F2: variants seen among roughly 807,000 people sequenced by gnomAD.
The protein encoded by F2 is prothrombin.
In F2, 34 loss-of-function variants were observed where a neutral mutation model predicts 81.9. The ratio of observed to expected loss-of-function variants is 0.42; its 90% CI spans 0.32 to 0.55. The LOEUF is 0.55. F2 is among the 20% of genes least tolerant of loss of function. The probability of loss-of-function intolerance (pLI) is 0.18; values close to 1 mark genes in which losing one functional copy is unlikely to be tolerated. For synonymous variants in F2, 296 were observed against 326.4 expected, an observed-to-expected ratio of 0.91 and a Z score of 1.01; for missense variants, 630 against 833.4, an observed-to-expected ratio of 0.76 and a Z score of 3.00.
At position 46,728,230 on chromosome 11, in the gene F2, C is replaced by T. The variant is rs1040200797; in HGVS notation, c.1298+67C>T. The T allele has an allele frequency of 3.4e-5, 51 of 1,515,020 alleles. No homozygotes were observed. The highest frequency in any genetic ancestry group is 4.5e-5 in the Non-Finnish European group (50 of 1,109,242). The allele number at this position is 1,515,020 out of a possible 1,614,324, so 93.8% of individuals were successfully genotyped here. On this transcript the variant is annotated intron_variant, in intron 10 of 13. Transcript: ENST00000311907. The surrounding 1 kb of genome is among the most constrained non-coding windows in gnomAD (Gnocchi z 5.1). The stretch of plus-strand genomic sequence containing the variant: ...GTCCTCCAAAGCGATCATGAGGGGC[C>T]CTGGTGGCTCCGGGACACATAGGAT...
rs548497448 is a variant in F2 at position 46,723,995 on chromosome 11, G to A, written c.559+477G>A. 4.6e-5 allele frequency among the ~76,000 whole-genome samples: 7 copies of A among 152,276 alleles called. No homozygotes were observed. The highest frequency in any genetic ancestry group is 1.4e-4 in the African/African-American group (6 of 41,556). ...AGTCAGGGAATCAGGGGATCTGAGTGGGGGGATCTGCCAGCCTCCTCCTCC... is the reference window on the plus strand; with the variant it reads ...AGTCAGGGAATCAGGGGATCTGAGTAGGGGGATCTGCCAGCCTCCTCCTCC... On this transcript the variant is annotated intron_variant, in intron 6 of 13. Coordinates refer to ENST00000311907, the MANE Select transcript of F2 (RefSeq NM_000506.5). The surrounding 1 kb of genome is among the most constrained non-coding windows in gnomAD (Gnocchi z 5.6).
intron 12 of F2, among the ~76,000 whole-genome samples, chr11:46,738,671 G>T (rs1427700139): frequency 6.6e-6 from 1 of 152,078 alleles, no homozygotes; most frequent in African/African-American, 2.4e-5. Flanking sequence ...TTGCCATATT[G>T]CCCAGGCTGG....
intron 3 of F2, 21 bp downstream of exon 3, chr11:46,720,568 G>A: frequency 6.2e-7 from 1 of 1,614,100 alleles, no homozygotes; most frequent in Non-Finnish European, 8.5e-7. Flanking sequence ...GGAAGGATTT[G>A]CCCCAGGAAG....
Position 46,726,727 on chromosome 11 carries a change from T to A in F2, c.1020T>A (p.Pro340=). The A allele has an allele frequency of 6.2e-7, 1 of 1,614,248 alleles. No homozygotes were observed. Among genetic ancestry groups the A allele is most frequent in the Non-Finnish European group, 8.5e-7 (1 of 1,180,046 alleles). The change falls in exon 9 of 14, where the codon CCT becomes CCA. Residue 340 remains proline, a synonymous_variant. Transcript: ENST00000311907. This position sits in a 1 kb window ranked among gnomAD's most constrained non-coding sequence, Gnocchi z 5.9. ...GSGEADCGLR[P]LFEKKSLEDK... The stretch of plus-strand genomic sequence containing the variant: ...GCTCTGCAGACTGTGGGCTGCGACC[T>A]CTGTTCGAGAAGAAGTCGCTGGAGG...
At chr11:46,729,335 C>T in intron 11 of F2, 45 bp from the exon 12 acceptor site, 1 of 1,598,288 alleles carries the variant, frequency 6.3e-7, no homozygotes, top group Non-Finnish European at 8.6e-7. Flanking sequence ...CCAGGCGGCT[C>T]CTGTGGGGGT....
At chr11:46,735,345 G>T (rs2064937444) in intron 12 of F2, among the ~76,000 whole-genome samples, 1 of 152,158 alleles carries the variant, frequency 6.6e-6, no homozygotes, top group African/African-American at 2.4e-5. Flanking sequence ...GGAGGCTGAG[G>T]CAGGGGAATC....
At chr11:46,727,889 C>A in intron 9 of F2, 107 bp from the exon 10 acceptor site, 1 of 1,335,616 alleles carries the variant, frequency 7.5e-7, no homozygotes, top group Non-Finnish European at 1.0e-6. Flanking sequence ...GCCCCGGAGG[C>A]AGCTCTGCCC....
At chr11:46,733,650 C>A (rs1440286459) in intron 12 of F2, among the ~76,000 whole-genome samples, 1 of 152,130 alleles carries the variant, frequency 6.6e-6, no homozygotes, top group African/African-American at 2.4e-5. Context: ...TTCCCCACAA[C>A]CTTGCCAAAA....
At chr11:46,727,958 C>A in intron 9 of F2, 38 bp from the exon 10 acceptor site, 1 of 1,584,722 alleles carries the variant, frequency 6.3e-7, no homozygotes, top group South Asian at 1.1e-5. Context: ...GCAGCCCCCT[C>A]ATCCTCAGCT....
At chr11:46,734,809 T>C (rs1195449441) in intron 12 of F2, among the ~76,000 whole-genome samples, 1 of 152,118 alleles carries the variant, frequency 6.6e-6, no homozygotes, top group African/African-American at 2.4e-5. Flanking sequence ...AGACTCTGTC[T>C]CAAAAACAAA....
Position 46,726,310 on chromosome 11 carries a change from G to T in F2, c.874+137G>T. On this transcript the variant is annotated intron_variant, in intron 7 of 13. Coordinates refer to ENST00000311907, the MANE Select transcript of F2 (RefSeq NM_000506.5). The surrounding 1 kb of genome is among the most constrained non-coding windows in gnomAD (Gnocchi z 5.9). ...TTACAGTAACCAGGTGGGGGGTAAG[G>T]TCCTGTGCCCATTTCACAGATAAGT... 1 of 1,433,306 alleles carries T rather than the reference G, an allele frequency of 7.0e-7. No individual in the cohort carries two copies. The highest frequency in any genetic ancestry group is 1.2e-5 in the South Asian group (1 of 80,352). The allele number at this position is 1,433,306 out of a possible 1,614,324, so 88.8% of individuals were successfully genotyped here. A position where few individuals can be genotyped will look rare whatever the true frequency, so the allele number is the denominator to read the frequency against.
chr11:46,728,916 G>A lies in F2; in HGVS notation c.1472+79G>A, dbSNP rs1209395448. The A allele has an allele frequency of 3.3e-6, 5 of 1,520,004 alleles. No individual in the cohort carries two copies. The highest frequency in any genetic ancestry group is 2.7e-5 in the African/African-American group (2 of 73,172). 94.2% of individuals were successfully genotyped at this position (1,520,004 alleles called of 1,614,324 possible). On this transcript the variant is annotated intron_variant, in intron 11 of 13. Transcript: ENST00000311907. The surrounding 1 kb of genome is among the most constrained non-coding windows in gnomAD (Gnocchi z 5.1). Reference sequence around the variant, plus strand: ...GCTCTGATACCAAGTAGCCTTGCAAGAGCCCCTTTCCCTTTTCCAGGCCTC... The same window carrying A: ...GCTCTGATACCAAGTAGCCTTGCAAAAGCCCCTTTCCCTTTTCCAGGCCTC...
chr11:46,732,956 G>A (rs1179148573), intron 12 of F2, among the ~76,000 whole-genome samples: 1 of 152,158 alleles, frequency 6.6e-6, no homozygotes, highest in Non-Finnish European at 1.5e-5. Context: ...GCTGGCGTGT[G>A]CACATTGCTA....
chr11:46,727,829 C>T (rs1489970314), intron 9 of F2, among the ~76,000 whole-genome samples, 167 bp from the exon 10 acceptor site: 4 of 152,146 alleles, frequency 2.6e-5, no homozygotes, highest in Non-Finnish European at 5.9e-5. Context: ...CCCTCAGCAT[C>T]ACACGGAGGC....
chr11:46,725,226 G>A (rs1303890971), intron 6 of F2, among the ~76,000 whole-genome samples: 2 of 150,794 alleles, frequency 1.3e-5, no homozygotes, highest in South Asian at 2.1e-4. Context: ...ACGCCACCAC[G>A]CCTGGCTAAT....
Position 46,723,327 on chromosome 11 carries a change from G to A in F2, c.422+42G>A. ...CCTTCCCACCATGGGCTGAGAACAG[G>A]GAGCAAGCGTACCTCAAGCCCAACA... On this transcript the variant is annotated intron_variant, in intron 5 of 13. Transcript: ENST00000311907. This position sits in a 1 kb window ranked among gnomAD's most constrained non-coding sequence, Gnocchi z 5.6. 3 of 1,613,520 alleles carry A rather than the reference G, an allele frequency of 1.9e-6. No homozygotes were observed. The highest frequency in any genetic ancestry group is 1.7e-6 in the Non-Finnish European group (2 of 1,179,506).
Position 46,726,872 on chromosome 11 carries a change from T to G in F2, c.1130+35T>G, listed in dbSNP as rs753819089. ...GGAGCCCTGCGCTACCATTCACTCC[T>G]GGGGGCAGGTGTGCTGCTGGACCCC... On this transcript the variant is annotated intron_variant, in intron 9 of 13. Coordinates refer to ENST00000311907, the MANE Select transcript of F2 (RefSeq NM_000506.5). The surrounding 1 kb of genome is among the most constrained non-coding windows in gnomAD (Gnocchi z 5.9). 20 of 1,611,260 alleles carry G rather than the reference T, an allele frequency of 1.2e-5. No homozygotes were observed. Among genetic ancestry groups the G allele is most frequent in the Non-Finnish European group, 1.7e-5 (20 of 1,177,894 alleles).
rs988036917 is a variant in F2, at chr11:46,719,571, G to T, written c.80-131G>T. On this transcript the variant is annotated intron_variant, in intron 1 of 13. Transcript: ENST00000311907. This position sits in a 1 kb window ranked among gnomAD's most constrained non-coding sequence, Gnocchi z 4.7. ...GGGGCCACATTTAGCAGCCTTCCAG[G>T]CACTTCCACCAGCCCAGACAGCCTC... 15 of 1,260,166 alleles carry T rather than the reference G, an allele frequency of 1.2e-5. No homozygotes were observed. Among genetic ancestry groups the T allele is most frequent in the Non-Finnish European group, 1.7e-5 (15 of 901,638 alleles). 78.1% of individuals were successfully genotyped at this position (1,260,166 alleles called of 1,614,324 possible).
intron 12 of F2, among the ~76,000 whole-genome samples, chr11:46,738,687 A>T (rs2064959207): frequency 6.6e-6 from 1 of 152,086 alleles, no homozygotes; most frequent in South Asian, 2.1e-4. Flanking sequence ...GCTGGTCTTG[A>T]ACTGCTGAGC....
Sources: allele counts gnomAD v4.1 joint callset (sites outside exome capture counted in the v4.1 genomes callset), GRCh38; gene constraint gnomAD v4.1.1; non-coding constraint Gnocchi (gnomAD v3.1); transcripts MANE v1.5; gene names NCBI Gene and HGNC (gene_info 2026-07-23, HGNC 2026-07-21).